Variants in SRD5A2 observed in about 807,000 individuals in gnomAD.
SRD5A2 encodes the protein 3-oxo-5-alpha-steroid 4-dehydrogenase 2.
Under a neutral mutation model 27.4 loss-of-function variants are expected in SRD5A2, and 30 were observed. The ratio of observed to expected loss-of-function variants is 1.10; its 90% confidence interval spans 0.82 to 1.49. The LOEUF is 1.49. Ranked by LOEUF, SRD5A2 falls within the 40% of genes most tolerant of loss-of-function variation. The pLI is 0.00. For synonymous variants in SRD5A2, 141 were observed against 133.6 expected (o/e 1.06, Z -0.38); for missense variants, 348 against 323.4 (o/e 1.08, Z -0.58).
the SRD5A2 span, among the ~76,000 whole-genome samples, chr2:31,629,184 A>G: frequency 6.6e-6 from 1 of 152,144 alleles, no homozygotes; most frequent in South Asian, 2.1e-4. Context: ...AACACTAGTC[A>G]CTGGGTTCCA....
At chr2:31,622,090 T>C in the SRD5A2 span, among the ~76,000 whole-genome samples, 1 of 152,070 alleles carries the variant, frequency 6.6e-6, no homozygotes, top group Middle Eastern at 3.2e-3. Flanking sequence ...CCAGCACCCA[T>C]TAGCTATTCT....
chr2:31,564,168 T>C (rs930311573), intron 1 of SRD5A2, among the ~76,000 whole-genome samples: 4 of 152,040 alleles, frequency 2.6e-5, no homozygotes, highest in African/African-American at 9.7e-5. Context: ...ACAGCTGTTA[T>C]AACTGCATTC....
the SRD5A2 span, among the ~76,000 whole-genome samples, chr2:31,659,179 C>T: frequency 2.0e-3 from 312 of 152,204 alleles, no homozygotes; most frequent in African/African-American, 6.8e-3. Flanking sequence ...AAGGAACATA[C>T]TTCAAAATAA....
the SRD5A2 span, among the ~76,000 whole-genome samples, chr2:31,605,844 A>C: frequency 6.7e-6 from 1 of 149,592 alleles, no homozygotes; most frequent in African/African-American, 2.5e-5. Context: ...AGATATCTGT[A>C]CTCTCATGTT....
chr2:31,651,009 A>T, the SRD5A2 span, among the ~76,000 whole-genome samples: 1 of 152,198 alleles, frequency 6.6e-6, no homozygotes, highest in African/African-American at 2.4e-5. Context: ...ATAGATCTCC[A>T]CCTGCCTTCT....
At chr2:31,549,429 T>C (rs1003870460) in intron 1 of SRD5A2, among the ~76,000 whole-genome samples, 12 of 152,212 alleles carry the variant, frequency 7.9e-5, no homozygotes, top group African/African-American at 2.9e-4. Flanking sequence ...GTTTCAGTTT[T>C]ATAAGATAAA....
At chr2:31,580,968 T>C (rs963549810), upstream of SRD5A2, 69 of 1,502,022 alleles carry the variant, frequency 4.6e-5, no homozygotes, top group Non-Finnish European at 6.0e-5. Context: ...AACCCCTTTA[T>C]GGAGCGCCAG....
At chr2:31,568,940 C>A (rs1666793783) in intron 1 of SRD5A2, among the ~76,000 whole-genome samples, 1 of 152,264 alleles carries the variant, frequency 6.6e-6, no homozygotes, top group Non-Finnish European at 1.5e-5. Context: ...TGTTCCACCC[C>A]AGAGCAGGTG....
At chr2:31,614,729 G>A in the SRD5A2 span, among the ~76,000 whole-genome samples, 1 of 152,150 alleles carries the variant, frequency 6.6e-6, no homozygotes, top group Non-Finnish European at 1.5e-5. Context: ...TACATCCTCT[G>A]AAATCTAGGC....
At chr2:31,554,496 A>G (rs907356228) in intron 1 of SRD5A2, among the ~76,000 whole-genome samples, 6 of 152,170 alleles carry the variant, frequency 3.9e-5, no homozygotes, top group African/African-American at 1.2e-4. Flanking sequence ...GTGGTATTGG[A>G]TATCCCCAGG....
chr2:31,529,234 C>T, intron 4 of SRD5A2, 73 bp downstream of exon 4: 2 of 1,575,988 alleles, frequency 1.3e-6, no homozygotes. Context: ...CTCAATCTTC[C>T]TCTGCGGGTT....
the SRD5A2 span, among the ~76,000 whole-genome samples, chr2:31,605,516 T>C: frequency 6.6e-6 from 1 of 151,740 alleles, no homozygotes; most frequent in African/African-American, 2.4e-5. Flanking sequence ...AAATAAAACA[T>C]ACAAATGGCA....
intron 1 of SRD5A2, among the ~76,000 whole-genome samples, chr2:31,559,670 C>T (rs1207812942): frequency 6.6e-6 from 1 of 151,862 alleles, no homozygotes; most frequent in African/African-American, 2.4e-5. Flanking sequence ...AAAAAGGAGG[C>T]AAATGAAAAT....
intron 2 of SRD5A2, 51 bp downstream of exon 2, chr2:31,533,552 G>A: frequency 6.6e-7 from 1 of 1,518,502 alleles, no homozygotes; most frequent in South Asian, 1.2e-5. Context: ...TGTAGATTGT[G>A]GGAAGGGTTG....
chr2:31,567,456 G>GTGTATATA (rs143408801), intron 1 of SRD5A2, among the ~76,000 whole-genome samples: 57,810 of 139,496 alleles, frequency 0.41, 12,353 homozygotes, highest in Non-Finnish European at 0.48. Context: ...GTGTGTGTGT[G>GTGTATATA]TATATATATA....
intron 1 of SRD5A2, among the ~76,000 whole-genome samples, chr2:31,539,196 G>C (rs1666082664): frequency 6.6e-6 from 1 of 152,124 alleles, no homozygotes; most frequent in Admixed American, 6.6e-5. Flanking sequence ...AGAAACCTTA[G>C]GATTTGAAGA....
At chr2:31,549,121 A>ATTATTG (rs1666327628) in intron 1 of SRD5A2, among the ~76,000 whole-genome samples, 1 of 144,186 alleles carries the variant, frequency 6.9e-6, no homozygotes, top group Non-Finnish European at 1.5e-5. Context: ...TATTATTATT[A>ATTATTG]TTATTATTTA....
the SRD5A2 span, among the ~76,000 whole-genome samples, chr2:31,607,216 C>T: frequency 6.6e-6 from 1 of 151,628 alleles, no homozygotes. Context: ...GAAGAAAGAC[C>T]AATTAAAAAG....
the SRD5A2 span, among the ~76,000 whole-genome samples, chr2:31,659,828 A>G: frequency 1.3e-4 from 20 of 152,308 alleles, 1 homozygote; most frequent in South Asian, 4.1e-3. Flanking sequence ...ATTAGAAAAA[A>G]ATGTTAAAAA....
Sources: allele counts gnomAD v4.1 joint callset (sites outside exome capture counted in the v4.1 genomes callset), GRCh38; gene constraint gnomAD v4.1.1; transcripts MANE v1.5; gene names NCBI Gene and HGNC (gene_info 2026-07-23, HGNC 2026-07-21).